The following CTNNA3 variants were observed in gnomAD, a reference collection of about 807,000 sequenced individuals.
The protein encoded by CTNNA3 is catenin alpha 3, also known as catenin alpha-3.
In CTNNA3, 76 loss-of-function variants were observed where a neutral mutation model predicts 95.7. The ratio of observed to expected loss-of-function variants is 0.79; its 90% CI spans 0.66 to 0.96. The LOEUF is 0.96. CTNNA3 is among the 40% of genes least tolerant of loss of function. The pLI is 0.00. For missense variants in CTNNA3, 1,191 were observed against 1,089.8 expected, an observed-to-expected ratio of 1.09 and a Z score of -1.31; for synonymous variants, 431 against 374.4, an observed-to-expected ratio of 1.15 and a Z score of -1.74.
At chr10:66,610,085 C>A (rs1476472438) in intron 10 of CTNNA3, among the ~76,000 whole-genome samples, 1 of 152,080 alleles carries the variant, frequency 6.6e-6, no homozygotes, top group Admixed American at 6.6e-5. Context: ...ACAATAGACA[C>A]TGGTGCCTGC....
intron 5 of CTNNA3, among the ~76,000 whole-genome samples, chr10:67,305,167 G>C (rs12357652): frequency 0.25 from 37,792 of 151,650 alleles, 6,838 homozygotes; most frequent in African/African-American, 0.5. Flanking sequence ...TCCCAGCTAC[G>C]TGGGAGGCTG....
chr10:66,801,499 T>A (rs1386107235), intron 7 of CTNNA3, among the ~76,000 whole-genome samples: 1 of 151,554 alleles, frequency 6.6e-6, no homozygotes, highest in Non-Finnish European at 1.5e-5. Context: ...TTAAACATAA[T>A]GCTATTTGAA....
chr10:67,238,454 T>C (rs1865588900), intron 5 of CTNNA3, among the ~76,000 whole-genome samples: 1 of 151,174 alleles, frequency 6.6e-6, no homozygotes, highest in Admixed American at 6.6e-5. Flanking sequence ...AAAAAAAAAA[T>C]TCAATTAAAA....
intron 9 of CTNNA3, among the ~76,000 whole-genome samples, chr10:66,750,666 T>G (rs79224214): frequency 1.3e-5 from 2 of 152,218 alleles, no homozygotes; most frequent in South Asian, 4.1e-4. Flanking sequence ...AATGTTGTAC[T>G]TCTCTTTCAA....
intron 12 of CTNNA3, among the ~76,000 whole-genome samples, chr10:66,314,142 C>T (rs1243782322): frequency 6.6e-6 from 1 of 152,134 alleles, no homozygotes; most frequent in Non-Finnish European, 1.5e-5. Flanking sequence ...CCTGTTTCAT[C>T]ATAGCTCACA....
chr10:67,503,809 G>A (rs932485945), intron 5 of CTNNA3, among the ~76,000 whole-genome samples: 2 of 152,172 alleles, frequency 1.3e-5, no homozygotes, highest in Non-Finnish European at 2.9e-5. Context: ...GCAGCACTGT[G>A]CACAGCTCTT....
At position 67,092,238 on chromosome 10, in the gene CTNNA3, C is replaced by T. The variant is rs536368472; in HGVS notation, c.1047+88079G>A. ...AGAAAACTTACTAGATAACATTCAGCCTTACAAAAATGGGAAGATTTCCCC... is the reference window on the plus strand; with the variant it reads ...AGAAAACTTACTAGATAACATTCAGTCTTACAAAAATGGGAAGATTTCCCC... On this transcript the variant is annotated intron_variant, in intron 7 of 17. Coordinates refer to ENST00000433211, the MANE Select transcript of CTNNA3 (RefSeq NM_013266.4). 4.6e-5 allele frequency among the ~76,000 whole-genome samples: 7 copies of T among 151,950 alleles called. No individual in the cohort carries two copies. In the East Asian group the frequency reaches 1.4e-3, roughly 30 times the overall value.
chr10:67,092,202 C>G (rs1217747837), intron 7 of CTNNA3, among the ~76,000 whole-genome samples: 1 of 151,866 alleles, frequency 6.6e-6, no homozygotes, highest in East Asian at 1.9e-4. Context: ...TTTTCAACAA[C>G]CTAGAGAGTT....
At position 65,988,753 on chromosome 10, in the gene CTNNA3, G is replaced by A. The variant is rs1299153203; in HGVS notation, c.2204C>T (p.Ala735Val). ...LKHTTDVIYA[A>V]KMISESGSRM... ...TGATCCTGATTCTGATATCATTTTC[G>A]CTGCATAGATCACATCAGTTGTATG... The change falls in exon 16 of 18, where the codon GCG becomes GTG. Residue 735 changes from alanine (A) to valine (V), a missense_variant. Ala to Val is a moderately conservative substitution (Grantham distance 64, BLOSUM62 0). Coordinates refer to ENST00000433211, the MANE Select transcript of CTNNA3 (RefSeq NM_013266.4). The A allele has an allele frequency of 1.2e-6, 2 of 1,613,896 alleles. No homozygotes were observed. Among genetic ancestry groups the A allele is most frequent in the Non-Finnish European group, 1.7e-6 (2 of 1,179,934 alleles).
intron 11 of CTNNA3, among the ~76,000 whole-genome samples, chr10:66,395,763 T>C (rs1006172329): frequency 7.9e-5 from 12 of 152,006 alleles, no homozygotes; most frequent in Non-Finnish European, 1.6e-4. Flanking sequence ...TCTTAAGAGT[T>C]CTCTATTTCT....
At chr10:66,208,187 C>T (rs12255037) in intron 13 of CTNNA3, among the ~76,000 whole-genome samples, 7,014 of 151,994 alleles carry the variant, frequency 0.046, 516 homozygotes, top group African/African-American at 0.16. Flanking sequence ...TTCTCATCTG[C>T]GGGGTAAGAA....
At chr10:66,603,570 G>A (rs553201291) in intron 10 of CTNNA3, among the ~76,000 whole-genome samples, 1 of 152,038 alleles carries the variant, frequency 6.6e-6, no homozygotes, top group African/African-American at 2.4e-5. Context: ...TATTCTTCAG[G>A]TAATTACAAA....
chr10:66,365,933 T>C (rs2092708129), intron 12 of CTNNA3, among the ~76,000 whole-genome samples: 1 of 152,164 alleles, frequency 6.6e-6, no homozygotes, highest in African/African-American at 2.4e-5. Context: ...GAGACTTAGA[T>C]GACTGCAGCT....
chr10:67,430,272 C>T (rs573510877), intron 5 of CTNNA3, among the ~76,000 whole-genome samples: 4 of 151,966 alleles, frequency 2.6e-5, no homozygotes, highest in Admixed American at 2.6e-4. Flanking sequence ...TAGAAAAGTG[C>T]TAGATTAGAA....
chr10:66,464,352 G>C (rs983383337), intron 11 of CTNNA3, among the ~76,000 whole-genome samples: 1 of 152,074 alleles, frequency 6.6e-6, no homozygotes, highest in South Asian at 2.1e-4. Flanking sequence ...CCACAATATT[G>C]TCACTCATAC....
At chr10:67,606,602 G>C (rs1843278341) in intron 3 of CTNNA3, among the ~76,000 whole-genome samples, 1 of 152,060 alleles carries the variant, frequency 6.6e-6, no homozygotes, top group African/African-American at 2.4e-5. Context: ...TGTTTATTAT[G>C]GAAAAGCTAT....
intron 3 of CTNNA3, among the ~76,000 whole-genome samples, chr10:67,562,536 T>G (rs536216846): frequency 2.0e-5 from 3 of 152,176 alleles, no homozygotes; most frequent in African/African-American, 7.2e-5. Flanking sequence ...AATATCATAC[T>G]GAATGGGCAA....
chr10:66,922,532 T>C (rs1006999383), intron 7 of CTNNA3, among the ~76,000 whole-genome samples: 1 of 152,134 alleles, frequency 6.6e-6, no homozygotes, highest in African/African-American at 2.4e-5. Context: ...TGGATAATCT[T>C]CCCTCTTCAA....
At position 66,169,288 on chromosome 10, in the gene CTNNA3, C is replaced by T. The variant is rs187754861; in HGVS notation, c.1885-66039G>A. Among the ~76,000 whole-genome samples the T allele has an allele frequency of 9.9e-5, 15 of 152,256 alleles. No individual in the cohort carries two copies. In the East Asian group the frequency reaches 2.9e-3, roughly 29 times the overall value. On this transcript the variant is annotated intron_variant, in intron 13 of 17. Coordinates refer to ENST00000433211, the MANE Select transcript of CTNNA3 (RefSeq NM_013266.4). ...TAAGAACATACAATTCTTGCTTTTC[C>T]ATTCCTGAATTACTTCACTTAGAAT...
Sources: allele counts gnomAD v4.1 joint callset (sites outside exome capture counted in the v4.1 genomes callset), GRCh38; gene constraint gnomAD v4.1.1; transcripts MANE v1.5; gene names NCBI Gene and HGNC (gene_info 2026-07-23, HGNC 2026-07-21).